Variants in GPC6 observed in about 807,000 individuals in gnomAD.
GPC6 encodes the protein glypican-6.
A neutral mutation model predicts 55.2 loss-of-function variants in GPC6; 14 were observed. That is an observed-to-expected ratio of 0.25 (90% CI 0.17 to 0.40). The LOEUF is 0.40. Ranked by LOEUF, GPC6 falls within the 10% of genes least tolerant of loss-of-function variation. The pLI is 1.00. For synonymous variants in GPC6, 278 were observed against 259.6 expected (o/e 1.07, Z -0.68); for missense variants, 641 against 708.5 (o/e 0.90, Z 1.08).
At chr13:94,080,576 T>C (rs1885064855) in intron 4 of GPC6, among the ~76,000 whole-genome samples, 1 of 152,184 alleles carries the variant, frequency 6.6e-6, no homozygotes, top group African/African-American at 2.4e-5. Context: ...AAAAATGTCA[T>C]AGACTGGGTA....
At chr13:93,284,091 T>C (rs1406179077) in intron 1 of GPC6, among the ~76,000 whole-genome samples, 1 of 152,244 alleles carries the variant, frequency 6.6e-6, no homozygotes. Flanking sequence ...TGTAATAAGT[T>C]GGGCTTCTTG....
intron 4 of GPC6, among the ~76,000 whole-genome samples, chr13:94,113,077 C>T (rs1306598210): frequency 2.0e-5 from 3 of 152,128 alleles, no homozygotes; most frequent in Non-Finnish European, 4.4e-5. Flanking sequence ...CACATAATTT[C>T]ATTAAGAACT....
intron 5 of GPC6, among the ~76,000 whole-genome samples, chr13:94,296,431 G>T (rs534410871): frequency 6.6e-6 from 1 of 152,222 alleles, no homozygotes; most frequent in South Asian, 2.1e-4. Context: ...TGCTCTCCTG[G>T]TCTCCTGAAA....
At chr13:93,993,349 G>A (rs1331713652) in intron 3 of GPC6, among the ~76,000 whole-genome samples, 4 of 149,322 alleles carry the variant, frequency 2.7e-5, no homozygotes, top group Non-Finnish European at 4.4e-5. Context: ...CTGAGAGCGC[G>A]GTGGCACAGT....
intron 5 of GPC6, among the ~76,000 whole-genome samples, chr13:94,288,836 A>ATATAATAAATATATATATATTTGTTATG (rs1874718244): frequency 7.9e-5 from 9 of 113,312 alleles, no homozygotes; most frequent in Non-Finnish European, 1.5e-4. Flanking sequence ...TATTTGTTAT[A>ATATAATAAATATATATATATTTGTTATG]TATAACAAAT....
At chr13:93,318,489 A>G (rs373879004) in intron 1 of GPC6, among the ~76,000 whole-genome samples, 2 of 152,288 alleles carry the variant, frequency 1.3e-5, no homozygotes, top group East Asian at 1.9e-4. Flanking sequence ...ATGAGCAAAT[A>G]TGTTTATCTC....
chr13:93,611,173 T>C (rs1566448698), intron 2 of GPC6, among the ~76,000 whole-genome samples: 1 of 152,136 alleles, frequency 6.6e-6, no homozygotes, highest in African/African-American at 2.4e-5. Flanking sequence ...ATATAAACTT[T>C]GGAAAATCTT....
intron 1 of GPC6, among the ~76,000 whole-genome samples, chr13:93,491,649 T>A (rs1228736178): frequency 3.5e-5 from 5 of 144,288 alleles, no homozygotes; most frequent in African/African-American, 1.3e-4. Flanking sequence ...TTTTTATGGT[T>A]TTAGGTCTAA....
intron 5 of GPC6, among the ~76,000 whole-genome samples, chr13:94,292,444 G>T (rs1280356662): frequency 1.3e-5 from 2 of 152,160 alleles, no homozygotes; most frequent in African/African-American, 4.8e-5. Context: ...CCTCCTGCCT[G>T]ATTCCCTTTA....
chr13:94,063,868 C>A (rs1884422946), intron 4 of GPC6, among the ~76,000 whole-genome samples: 1 of 152,106 alleles, frequency 6.6e-6, no homozygotes, highest in Admixed American at 6.5e-5. Flanking sequence ...GCCTCTAATT[C>A]TTTCAAAAAA....
At chr13:93,280,563 T>C (rs939668380) in intron 1 of GPC6, among the ~76,000 whole-genome samples, 1 of 152,258 alleles carries the variant, frequency 6.6e-6, no homozygotes, top group African/African-American at 2.4e-5. Flanking sequence ...ATAAAATAAA[T>C]ATCAGTTGAA....
intron 2 of GPC6, among the ~76,000 whole-genome samples, chr13:93,704,537 A>G (rs1882780651): frequency 6.6e-6 from 1 of 151,984 alleles, no homozygotes. Flanking sequence ...TGCATTATTT[A>G]AAAAAGAATT....
At chr13:94,331,205 T>G (rs1484477868) in intron 6 of GPC6, among the ~76,000 whole-genome samples, 1 of 152,176 alleles carries the variant, frequency 6.6e-6, no homozygotes, top group Non-Finnish European at 1.5e-5. Flanking sequence ...CCGAGCCACC[T>G]ATTTTAATAA....
At chr13:94,361,613 G>C (rs1384956767) in intron 6 of GPC6, among the ~76,000 whole-genome samples, 1 of 152,238 alleles carries the variant, frequency 6.6e-6, no homozygotes, top group Admixed American at 6.5e-5. Flanking sequence ...CTCCTCCTGA[G>C]CTTATAAAGT....
At chr13:93,658,953 G>A (rs989504156) in intron 2 of GPC6, among the ~76,000 whole-genome samples, 7 of 151,704 alleles carry the variant, frequency 4.6e-5, no homozygotes, top group East Asian at 1.9e-4. Flanking sequence ...CACCATTAAT[G>A]GTTCATTAAA....
At chr13:93,391,070 T>C (rs1295157415) in intron 1 of GPC6, among the ~76,000 whole-genome samples, 1 of 152,126 alleles carries the variant, frequency 6.6e-6, no homozygotes, top group African/African-American at 2.4e-5. Context: ...CTTTGCTATG[T>C]GCTGTATCAC....
At chr13:93,876,452 G>A (rs75801691) in intron 3 of GPC6, among the ~76,000 whole-genome samples, 7,616 of 152,032 alleles carry the variant, frequency 0.05, 581 homozygotes, top group African/African-American at 0.17. Flanking sequence ...AAGCACACAC[G>A]TCACTGTTCT....
intron 1 of GPC6, among the ~76,000 whole-genome samples, chr13:93,435,972 C>G (rs1478235931): frequency 6.6e-6 from 1 of 152,126 alleles, no homozygotes; most frequent in Non-Finnish European, 1.5e-5. Flanking sequence ...GTTTGCAGCT[C>G]TCAGAGAAAG....
intron 1 of GPC6, among the ~76,000 whole-genome samples, chr13:93,350,440 A>G (rs1880593659): frequency 6.6e-6 from 1 of 152,228 alleles, no homozygotes; most frequent in South Asian, 2.1e-4. Context: ...TCTCAAATAA[A>G]TAAATAAAAT....
Sources: gnomAD v4.1 joint callset for allele counts (sites outside exome capture counted in the v4.1 genomes callset) on GRCh38, gnomAD v4.1.1 for gene constraint, MANE v1.5 for transcripts, NCBI Gene and HGNC (gene_info 2026-07-23, HGNC 2026-07-21) for gene names.